MPP7: variants seen among roughly 807,000 people sequenced by gnomAD.
MPP7 encodes MAGUK p55 scaffold protein 7, also known as MAGUK p55 subfamily member 7.
A neutral mutation model predicts 76.5 loss-of-function variants in MPP7; 60 were observed. That is an observed-to-expected ratio of 0.78 (90% confidence interval 0.64 to 0.97). The LOEUF (loss-of-function observed/expected upper bound fraction) is 0.97, where lower values mean the gene tolerates loss of function less well. Ranked by LOEUF, MPP7 falls within the 50% of genes least tolerant of loss-of-function variation. The pLI, the probability that MPP7 is intolerant of heterozygous loss-of-function variation, is 0.00. For missense variants in MPP7, 641 were observed against 694.0 expected, an observed-to-expected ratio of 0.92 and a Z score of 0.86; for synonymous variants, 237 against 244.5, an observed-to-expected ratio of 0.97 and a Z score of 0.29.
Position 28,056,524 on chromosome 10 carries a change from T to A in MPP7, c.1507A>T (p.Ile503Phe). 1 of 1,612,956 alleles carries A rather than the reference T, an allele frequency of 6.2e-7. No individual in the cohort carries two copies. Among genetic ancestry groups the A allele is most frequent in the South Asian group, 1.1e-5 (1 of 90,796 alleles). The change falls in exon 16 of 17, where the codon ATT (isoleucine) becomes TTT (phenylalanine). Residue 503 changes from isoleucine to phenylalanine, a missense_variant. Transcript: ENST00000683449. ...CCTTGGTCATCTCTGCTTGAAATAA[T>A]CTTTGCATTTTTTCTTGTTTCTCTC... Reference protein sequence around the residue: ...RLRETRKNAKIISSRDDQGAA... With the variant: ...RLRETRKNAKFISSRDDQGAA...
At chr10:28,135,759 C>T (rs557671063) in intron 5 of MPP7, among the ~76,000 whole-genome samples, 3 of 148,676 alleles carry the variant, frequency 2.0e-5, no homozygotes, top group South Asian at 2.3e-4. Flanking sequence ...TATGATCTCA[C>T]CTAAAAAAAA....
intron 3 of MPP7, among the ~76,000 whole-genome samples, chr10:28,168,226 C>A (rs1836554347): frequency 6.6e-6 from 1 of 151,976 alleles, no homozygotes; most frequent in Admixed American, 6.6e-5. Flanking sequence ...CAGAGTGAGA[C>A]TCTGTCTAAA....
At chr10:28,186,378 G>A (rs939603679) in intron 3 of MPP7, among the ~76,000 whole-genome samples, 1 of 151,142 alleles carries the variant, frequency 6.6e-6, no homozygotes, top group Non-Finnish European at 1.5e-5. Context: ...AAGAGAGAGA[G>A]AGAGAAAACA....
At chr10:28,099,039 C>G (rs1564629730) in intron 11 of MPP7, among the ~76,000 whole-genome samples, 1 of 152,116 alleles carries the variant, frequency 6.6e-6, no homozygotes, top group African/African-American at 2.4e-5. Flanking sequence ...TCAATGTAAA[C>G]TTATAATGTA....
intron 3 of MPP7, among the ~76,000 whole-genome samples, chr10:28,171,641 A>G (rs140933070): frequency 6.6e-6 from 1 of 152,278 alleles, no homozygotes; most frequent in African/African-American, 2.4e-5. Flanking sequence ...TTGCAACCAA[A>G]CTTTTTAAGT....
chr10:28,149,904 T>C, intron 4 of MPP7, 78 bp downstream of exon 4: 1 of 961,058 alleles, frequency 1.0e-6, no homozygotes, highest in Non-Finnish European at 1.6e-6. Context: ...CACACGCATC[T>C]GTCTGCACTA....
Position 28,269,558 on chromosome 10 carries a change from GCT to G in MPP7, c.-131-30825_-131-30824del, listed in dbSNP as rs1218958148. 4.2e-5 allele frequency among the ~76,000 whole-genome samples: 6 copies of G among 143,268 alleles called. No individual in the cohort carries two copies. The East Asian group carries it at 1.2e-3, about 29-fold the overall frequency. The allele number at this position is 143,268 out of a possible 152,430, so 94.0% of individuals were successfully genotyped here. ...TTTTTTTTTTAAGAGATGAGATCTT[GCT>G]CTGTCACCCAGGCTGGAGTGCAGTG... On this transcript the variant is annotated intron_variant, in intron 1 of 16. Coordinates refer to ENST00000683449, the MANE Select transcript of MPP7 (RefSeq NM_001318170.2).
In MPP7 at chr10:28,052,365, AC is replaced by A. The variant is rs1368271268; in HGVS notation, c.*1699del. On this transcript the variant is annotated 3_prime_UTR_variant, in exon 17 of 17. Coordinates refer to ENST00000683449, the MANE Select transcript of MPP7 (RefSeq NM_001318170.2). ...AAATTTTTTGCTATTTAATTAATAC[AC>A]TTAGAACTCACTGTCTGGATCACGT... 6.6e-6 allele frequency: 1 copy of A among 152,238 alleles called. No homozygotes were observed. The highest frequency in any genetic ancestry group is 1.5e-5 in the Non-Finnish European group (1 of 68,044). 9.4% of individuals were successfully genotyped at this position (152,238 alleles called of 1,614,324 possible). A position where few individuals can be genotyped will look rare whatever the true frequency, so the allele number is the denominator to read the frequency against.
At chr10:28,244,271 C>A (rs2132795033) in intron 1 of MPP7, among the ~76,000 whole-genome samples, 1 of 152,038 alleles carries the variant, frequency 6.6e-6, no homozygotes, top group East Asian at 1.9e-4. Flanking sequence ...TTTATACATT[C>A]AAAAAGAAAG....
intron 2 of MPP7, among the ~76,000 whole-genome samples, chr10:28,315,279 AG>A (rs1189848996): frequency 9.0e-6 from 1 of 111,422 alleles, no homozygotes; most frequent in African/African-American, 3.5e-5. Flanking sequence ...AGAAAGAAGG[AG>A]GGGGGAGGGA....
intron 2 of MPP7, among the ~76,000 whole-genome samples, chr10:28,327,013 G>C (rs540703139): frequency 2.8e-4 from 43 of 152,246 alleles, no homozygotes; most frequent in Non-Finnish European, 5.4e-4. Flanking sequence ...GAGATGCCAG[G>C]AGAGTCTGGA....
chr10:28,192,627 A>T (rs1837447071), intron 3 of MPP7, among the ~76,000 whole-genome samples: 1 of 152,242 alleles, frequency 6.6e-6, no homozygotes, highest in African/African-American at 2.4e-5. Flanking sequence ...ATCAAACAAG[A>T]TCTCAATAAA....
In MPP7 at chr10:28,209,121, T is replaced by C. The variant is rs965536713; in HGVS notation, c.38-6850A>G. On this transcript the variant is annotated intron_variant, in intron 2 of 16. Transcript: ENST00000683449. ...TCAGAAGCAGATGCCAGCTCCATGCTCCTGTACAGCCTGCAGAGCCGTGAG... is the reference window on the plus strand; with the variant it reads ...TCAGAAGCAGATGCCAGCTCCATGCCCCTGTACAGCCTGCAGAGCCGTGAG... Among the ~76,000 whole-genome samples, 32 of 152,116 alleles carry C rather than the reference T, an allele frequency of 2.1e-4. 1 individual carries two copies. The highest frequency in any genetic ancestry group is 2.0e-3 in the Admixed American group (30 of 15,258).
chr10:28,072,829 T>C (rs1852301025), intron 12 of MPP7, among the ~76,000 whole-genome samples: 1 of 152,218 alleles, frequency 6.6e-6, no homozygotes. Flanking sequence ...ACTCAGTTAT[T>C]CTTCCCACAC....
upstream of MPP7, among the ~76,000 whole-genome samples, chr10:28,308,050 C>A (rs1841268995): frequency 1.3e-5 from 2 of 152,222 alleles, no homozygotes; most frequent in African/African-American, 4.8e-5. Context: ...CTTCCCCTCG[C>A]TTTCTCATTC....
chr10:28,104,019 A>G lies in MPP7; in HGVS notation c.953-14178T>C, dbSNP rs369287001. ...AATTTCATCTGCTTCAACCAAATGCATATAGTACTTTGGAGAAAACATATA... is the reference window on the plus strand; with the variant it reads ...AATTTCATCTGCTTCAACCAAATGCGTATAGTACTTTGGAGAAAACATATA... On this transcript the variant is annotated intron_variant, in intron 11 of 16. Transcript: ENST00000683449. 3.6e-3 allele frequency among the ~76,000 whole-genome samples: 552 copies of G among 152,354 alleles called. 4 individuals are homozygous for G. Among genetic ancestry groups the G allele is most frequent in the Non-Finnish European group, 6.0e-3 (406 of 68,032 alleles).
chr10:28,119,800 A>T (rs1255922523), intron 10 of MPP7, 85 bp from the exon 11 acceptor site: 22 of 1,118,938 alleles, frequency 2.0e-5, no homozygotes, highest in Non-Finnish European at 2.9e-5. Context: ...GTCTTAAGAA[A>T]AAACTTAAAG....
At chr10:28,306,432 C>T (rs1841256074), upstream of MPP7, among the ~76,000 whole-genome samples, 1 of 152,120 alleles carries the variant, frequency 6.6e-6, no homozygotes, top group Non-Finnish European at 1.5e-5. Context: ...GGAAAGATTA[C>T]TTGAGGCCAG....
chr10:28,053,844 G>A lies in MPP7; in HGVS notation c.*221C>T, dbSNP rs1055835572. ...AGACAACGAGAAGGTTTGAGGTTTT[G>A]CTTAGAATACAGTACTGTGCATATT... is the stretch of plus-strand genomic sequence containing the variant. On this transcript the variant is annotated 3_prime_UTR_variant, in exon 17 of 17. Transcript: ENST00000683449. The A allele has an allele frequency of 1.1e-5, 6 of 533,580 alleles. No homozygotes were observed. The highest frequency in any genetic ancestry group is 2.0e-5 in the African/African-American group (1 of 51,192). 33.1% of individuals were successfully genotyped at this position (533,580 alleles called of 1,614,324 possible).
Sources: gnomAD v4.1 joint callset for allele counts (sites outside exome capture counted in the v4.1 genomes callset) on GRCh38, gnomAD v4.1.1 for gene constraint, MANE v1.5 for transcripts, NCBI Gene and HGNC (gene_info 2026-07-23, HGNC 2026-07-21) for gene names.